Variants in RBM26 observed in about 807,000 individuals in gnomAD.
RBM26 encodes RNA binding motif protein 26, also known as RNA-binding protein 26.
A neutral mutation model predicts 123.6 loss-of-function variants in RBM26; 30 were observed. The ratio of observed to expected loss-of-function variants is 0.24; its 90% CI spans 0.18 to 0.33. The LOEUF (loss-of-function observed/expected upper bound fraction) is 0.33, where lower values mean the gene tolerates loss of function less well. RBM26 is among the 10% of genes least tolerant of loss of function. The probability of loss-of-function intolerance (pLI) is 1.00; values close to 1 mark genes in which losing one functional copy is unlikely to be tolerated. For missense variants in RBM26, 947 were observed against 1,203.6 expected, an observed-to-expected ratio of 0.79 and a Z score of 3.15; for synonymous variants, 400 against 404.4, an observed-to-expected ratio of 0.99 and a Z score of 0.13.
Position 79,318,958 on chromosome 13 carries a change from G to C in RBM26, c.*1663C>G. On this transcript the variant is annotated 3_prime_UTR_variant, in exon 22 of 22. Transcript: ENST00000438737. Reference sequence around the variant, plus strand: ...ACATACAAGAGACTACATAAAAATAGATCTTTGATTTAAATATATAAGTAA... The same window carrying C: ...ACATACAAGAGACTACATAAAAATACATCTTTGATTTAAATATATAAGTAA... 1.0e-6 allele frequency: 1 copy of C among 970,758 alleles called. No individual in the cohort carries two copies. Among genetic ancestry groups the C allele is most frequent in the Non-Finnish European group, 1.2e-6 (1 of 816,800 alleles). 60.1% of individuals were successfully genotyped at this position (970,758 alleles called of 1,614,324 possible). A position where few individuals can be genotyped will look rare whatever the true frequency, so the allele number is the denominator to read the frequency against.
intron 11 of RBM26, 139 bp from the exon 12 acceptor site, chr13:79,355,523 CCA>C: frequency 3.2e-6 from 2 of 628,270 alleles, no homozygotes; most frequent in East Asian, 2.7e-5. Flanking sequence ...GATTAGTAGA[CCA>C]CAGTCTACTT....
chr13:79,337,513 T>A (rs2070651406), intron 18 of RBM26, among the ~76,000 whole-genome samples: 1 of 152,138 alleles, frequency 6.6e-6, no homozygotes, highest in African/African-American at 2.4e-5. Context: ...AACACTGAGG[T>A]CTTGGAATTA....
chr13:79,369,633 T>A (rs1423753918), intron 5 of RBM26, among the ~76,000 whole-genome samples: 1 of 152,134 alleles, frequency 6.6e-6, no homozygotes, highest in Admixed American at 6.5e-5. Context: ...CAAAAAAAGT[T>A]TGAGAAAAGG....
At chr13:79,352,882 C>A (rs1055646948) in intron 14 of RBM26, among the ~76,000 whole-genome samples, 34 of 151,594 alleles carry the variant, frequency 2.2e-4, no homozygotes, top group African/African-American at 8.0e-4. Flanking sequence ...CACAGTATCT[C>A]TAAAGAAAAC....
downstream of RBM26, chr13:79,314,731 A>C (rs2067003579): frequency 4.8e-6 from 1 of 206,758 alleles, no homozygotes; most frequent in Non-Finnish European, 9.9e-6. Flanking sequence ...GTGTTTAAAA[A>C]ATAAATGGCT....
In RBM26 at chr13:79,372,815, T is replaced by TA. The variant is rs1210650864; in HGVS notation, c.328-886_328-885insT. The stretch of plus-strand genomic sequence containing the variant: ...TATATTATAATTATATGATATATAT[T>TA]TATAATAAATATTTTATATAAATAT... On this transcript the variant is annotated intron_variant, in intron 3 of 21. Transcript: ENST00000438737. 6.6e-4 allele frequency among the ~76,000 whole-genome samples: 75 copies of TA among 112,944 alleles called. 2 individuals carry two copies. Among genetic ancestry groups the TA allele is most frequent in the African/African-American group, 2.6e-3 (54 of 20,650 alleles). The allele number at this position is 112,944 out of a possible 152,430, so 74.1% of individuals were successfully genotyped here.
intron 1 of RBM26, among the ~76,000 whole-genome samples, chr13:79,401,389 T>C (rs1362295885): frequency 6.6e-6 from 1 of 152,176 alleles, no homozygotes; most frequent in Non-Finnish European, 1.5e-5. Context: ...GATGCTGCAT[T>C]CTGTAGTAGT....
chr13:79,404,213 T>C (rs2079307797), intron 1 of RBM26, among the ~76,000 whole-genome samples: 2 of 152,174 alleles, frequency 1.3e-5, no homozygotes, highest in Admixed American at 1.3e-4. Flanking sequence ...CTTAACCTGT[T>C]CTCTGCCTTC....
intron 1 of RBM26, among the ~76,000 whole-genome samples, chr13:79,397,750 T>A (rs904943421): frequency 6.7e-6 from 1 of 149,230 alleles, no homozygotes; most frequent in Non-Finnish European, 1.5e-5. Context: ...TCATAGATGA[T>A]GAGATTGGTA....
intron 1 of RBM26, among the ~76,000 whole-genome samples, chr13:79,396,127 C>T (rs1370022981): frequency 6.6e-6 from 1 of 152,122 alleles, no homozygotes; most frequent in Non-Finnish European, 1.5e-5. Flanking sequence ...AGAACAAAGA[C>T]TCAAATGACA....
At position 79,370,530 on chromosome 13, in the gene RBM26, A is replaced by G. The variant is rs573638514; in HGVS notation, c.634+415T>C. On this transcript the variant is annotated intron_variant, in intron 5 of 21. Coordinates refer to ENST00000438737, the MANE Select transcript of RBM26 (RefSeq NM_001366735.2). ...CTGTTTCTAGATCTGGCTCTTACAA[A>G]TAAGTCTGCTATGAACCTTTGTGAA... 3.9e-5 allele frequency among the ~76,000 whole-genome samples: 6 copies of G among 152,358 alleles called. No individual in the cohort carries two copies. The South Asian group carries it at 1.0e-3, about 26-fold the overall frequency.
In RBM26 at chr13:79,319,132, A is replaced by T; in HGVS notation, c.*1489T>A. 1.0e-6 allele frequency: 1 copy of T among 984,574 alleles called. No homozygotes were observed. The highest frequency in any genetic ancestry group is 1.1e-4 in the East Asian group (1 of 8,794). 61.0% of individuals were successfully genotyped at this position (984,574 alleles called of 1,614,324 possible). On this transcript the variant is annotated 3_prime_UTR_variant, in exon 22 of 22. Coordinates refer to ENST00000438737, the MANE Select transcript of RBM26 (RefSeq NM_001366735.2). ...GAAAATACACACAACTTCAACCCCAATTAGGGGTGTATGGGGAAGAAGAAA... is the reference window on the plus strand; with the variant it reads ...GAAAATACACACAACTTCAACCCCATTTAGGGGTGTATGGGGAAGAAGAAA...
intron 14 of RBM26, among the ~76,000 whole-genome samples, chr13:79,349,040 G>A (rs1566395931): frequency 6.6e-6 from 1 of 152,086 alleles, no homozygotes; most frequent in African/African-American, 2.4e-5. Flanking sequence ...CAACTTGTAA[G>A]TAATAAATGC....
At chr13:79,374,165 A>C (rs200465407) in intron 3 of RBM26, among the ~76,000 whole-genome samples, 1 of 150,608 alleles carries the variant, frequency 6.6e-6, no homozygotes, top group East Asian at 2.0e-4. Context: ...AGGGCTTCTG[A>C]CTGTCAGAAT....
chr13:79,344,112 C>T (rs2071889301), intron 16 of RBM26, 136 bp downstream of exon 16: 3 of 696,614 alleles, frequency 4.3e-6, no homozygotes, highest in Admixed American at 4.4e-5. Flanking sequence ...TCTTCATCTC[C>T]AATATTATCA....
intron 18 of RBM26, among the ~76,000 whole-genome samples, chr13:79,337,593 C>A (rs1001424112): frequency 2.0e-5 from 3 of 152,142 alleles, no homozygotes; most frequent in African/African-American, 7.2e-5. Context: ...ATCAGCAACT[C>A]CTGATTTCCA....
At chr13:79,381,785 T>C (rs1431183746) in intron 1 of RBM26, among the ~76,000 whole-genome samples, 1 of 152,028 alleles carries the variant, frequency 6.6e-6, no homozygotes, top group Admixed American at 6.6e-5. Context: ...ACATCTTCTG[T>C]AGAAGCAATC....
intron 14 of RBM26, among the ~76,000 whole-genome samples, chr13:79,348,408 T>C (rs969283966): frequency 2.0e-5 from 3 of 152,064 alleles, no homozygotes; most frequent in African/African-American, 4.8e-5. Flanking sequence ...ACAATAACTA[T>C]AAGTAATCGT....
At chr13:79,377,967 C>A (rs115604187) in intron 2 of RBM26, among the ~76,000 whole-genome samples, 2,954 of 152,134 alleles carry the variant, frequency 0.019, 101 homozygotes, top group African/African-American at 0.067. Context: ...ATCCTAATAT[C>A]AACAGCTTCC....
Sources: gnomAD v4.1 joint callset for allele counts (sites outside exome capture counted in the v4.1 genomes callset) on GRCh38, gnomAD v4.1.1 for gene constraint, MANE v1.5 for transcripts, NCBI Gene and HGNC (gene_info 2026-07-23, HGNC 2026-07-21) for gene names.